Variants in METTL25 observed in about 807,000 individuals in gnomAD.
METTL25 encodes probable methyltransferase-like protein 25.
A neutral mutation model predicts 71.6 loss-of-function variants in METTL25; 64 were observed. The ratio of observed to expected loss-of-function variants is 0.89; its 90% CI spans 0.73 to 1.10. METTL25 has a LOEUF of 1.10. Ranked by LOEUF, METTL25 falls within the 50% of genes least tolerant of loss-of-function variation. The pLI is 0.00. For synonymous variants in METTL25, 287 were observed against 250.3 expected (o/e 1.15, Z -1.38); for missense variants, 807 against 707.0 (o/e 1.14, Z -1.60).
intron 5 of METTL25, among the ~76,000 whole-genome samples, chr12:82,414,615 C>T (rs1193800875): frequency 6.6e-6 from 1 of 151,952 alleles, no homozygotes; most frequent in African/African-American, 2.4e-5. Context: ...TGAATATGTC[C>T]ACTTAAAAGA....
chr12:82,423,466 C>G (rs1481034578), intron 5 of METTL25, among the ~76,000 whole-genome samples: 2 of 152,186 alleles, frequency 1.3e-5, no homozygotes, highest in Non-Finnish European at 2.9e-5. Context: ...CAATACCATT[C>G]AGGACATAGG....
chr12:82,409,728 C>T (rs1456264827), intron 5 of METTL25, among the ~76,000 whole-genome samples: 4 of 151,964 alleles, frequency 2.6e-5, no homozygotes, highest in Non-Finnish European at 4.4e-5. Context: ...GTGTAACCCT[C>T]GAAAGCCTGC....
chr12:82,361,982 C>G (rs554946843), intron 1 of METTL25, among the ~76,000 whole-genome samples: 31 of 152,098 alleles, frequency 2.0e-4, no homozygotes, highest in Admixed American at 8.5e-4. Context: ...CAGTCTTCTG[C>G]TGATATTTTG....
chr12:82,370,339 G>C (rs910438628), intron 1 of METTL25, among the ~76,000 whole-genome samples: 2 of 152,190 alleles, frequency 1.3e-5, no homozygotes, highest in Non-Finnish European at 2.9e-5. Context: ...CCGAAGGTGA[G>C]TAATAGCAAG....
chr12:82,372,761 C>T (rs1592596094), intron 1 of METTL25, among the ~76,000 whole-genome samples: 1 of 152,106 alleles, frequency 6.6e-6, no homozygotes, highest in African/African-American at 2.4e-5. Context: ...ATCTGAAAGA[C>T]AAAACCGCCT....
At chr12:82,364,680 A>T (rs1184975574) in intron 1 of METTL25, among the ~76,000 whole-genome samples, 1 of 152,218 alleles carries the variant, frequency 6.6e-6, no homozygotes, top group African/African-American at 2.4e-5. Flanking sequence ...CACCTAGCAT[A>T]GAACTGAGAA....
chr12:82,409,882 T>C (rs1224363761), intron 5 of METTL25, among the ~76,000 whole-genome samples: 3 of 152,074 alleles, frequency 2.0e-5, no homozygotes, highest in Non-Finnish European at 4.4e-5. Flanking sequence ...TTCAATCTGG[T>C]GCTGCCATTT....
At chr12:82,408,203 TTATAGA>T (rs1157111468) in intron 5 of METTL25, among the ~76,000 whole-genome samples, 2 of 152,152 alleles carry the variant, frequency 1.3e-5, no homozygotes, top group Non-Finnish European at 2.9e-5. Context: ...ACAGGATGAC[TTATAGA>T]TATATGTTCA....
At position 82,460,566 on chromosome 12, in the gene METTL25, T is replaced by G. The variant is rs189087712; in HGVS notation, c.1572+3746T>G. 5.9e-5 allele frequency among the ~76,000 whole-genome samples: 9 copies of G among 152,322 alleles called. No individual in the cohort carries two copies. The East Asian group carries it at 1.5e-3, about 26-fold the overall frequency. On this transcript the variant is annotated intron_variant, in intron 9 of 11. Coordinates refer to ENST00000248306, the MANE Select transcript of METTL25 (RefSeq NM_032230.3). ...TGTACTTTATTCCTATGATAGTTCT[T>G]TCAAAAGCCTATCCCCACTCTATTT...
intron 1 of METTL25, among the ~76,000 whole-genome samples, chr12:82,381,712 A>G (rs1181231028): frequency 6.6e-6 from 1 of 152,248 alleles, no homozygotes; most frequent in East Asian, 1.9e-4. Context: ...GTTAAGCTGT[A>G]TTAAACAATT....
intron 8 of METTL25, among the ~76,000 whole-genome samples, chr12:82,456,124 T>G (rs967627989): frequency 6.6e-5 from 10 of 151,894 alleles, no homozygotes; most frequent in African/African-American, 2.4e-4. Context: ...GTTAATTTTT[T>G]TATCCTCTTG....
intron 8 of METTL25, among the ~76,000 whole-genome samples, chr12:82,440,733 ATAAT>A (rs1157915238): frequency 1.3e-5 from 2 of 152,068 alleles, no homozygotes; most frequent in African/African-American, 4.8e-5. Context: ...AACATACTAA[ATAAT>A]TAGGACTAAC....
intron 2 of METTL25, among the ~76,000 whole-genome samples, 159 bp from the exon 3 acceptor site, chr12:82,389,657 T>C (rs927619049): frequency 3.9e-5 from 6 of 152,118 alleles, no homozygotes; most frequent in Non-Finnish European, 7.4e-5. Flanking sequence ...AATTTAAATT[T>C]TTATTTATAG....
chr12:82,444,355 T>C (rs1890591996), intron 8 of METTL25, among the ~76,000 whole-genome samples: 1 of 152,098 alleles, frequency 6.6e-6, no homozygotes, highest in East Asian at 1.9e-4. Context: ...AAACAGAAGC[T>C]GAAGGAATTT....
At chr12:82,424,542 CTA>C (rs34300467) in intron 5 of METTL25, among the ~76,000 whole-genome samples, 128,829 of 148,680 alleles carry the variant, frequency 0.87, 55,938 homozygotes, top group East Asian at 0.94. Context: ...TAATATAAAA[CTA>C]TATATATATA....
chr12:82,416,669 A>G (rs554401078), intron 5 of METTL25, among the ~76,000 whole-genome samples: 34 of 151,908 alleles, frequency 2.2e-4, no homozygotes, highest in Non-Finnish European at 4.7e-4. Context: ...GGGTTTCACT[A>G]TGTTGCTTAT....
At chr12:82,414,026 A>G (rs566076304) in intron 5 of METTL25, among the ~76,000 whole-genome samples, 2 of 151,906 alleles carry the variant, frequency 1.3e-5, no homozygotes, top group South Asian at 4.1e-4. Flanking sequence ...TAATATTAAT[A>G]GTGTATTAGT....
intron 9 of METTL25, among the ~76,000 whole-genome samples, chr12:82,474,222 A>T (rs1592785468): frequency 1.3e-5 from 2 of 152,104 alleles, no homozygotes; most frequent in Non-Finnish European, 2.9e-5. Flanking sequence ...TTTTCCCTGT[A>T]ACAGGAAGTT....
At chr12:82,381,104 C>T (rs138592335) in intron 1 of METTL25, among the ~76,000 whole-genome samples, 4 of 152,242 alleles carry the variant, frequency 2.6e-5, no homozygotes, top group East Asian at 1.9e-4. Context: ...CATAGACAAT[C>T]GTAAGTTATA....
Sources: allele counts gnomAD v4.1 joint callset (sites outside exome capture counted in the v4.1 genomes callset), GRCh38; gene constraint gnomAD v4.1.1; transcripts MANE v1.5; gene names NCBI Gene and HGNC (gene_info 2026-07-23, HGNC 2026-07-21).